NKAIN2: variants seen among roughly 807,000 people sequenced by gnomAD.
The protein encoded by NKAIN2 is sodium/potassium transporting ATPase interacting 2, also known as sodium/potassium-transporting ATPase subunit beta-1-interacting protein 2.
NKAIN2 carries 14 observed loss-of-function variants against 32.6 expected under a neutral mutation model. That is an observed-to-expected ratio of 0.43 (90% CI 0.28 to 0.67). The LOEUF (loss-of-function observed/expected upper bound fraction) is 0.67. Among genes scored for constraint, NKAIN2 ranks in the 30% least tolerant of loss-of-function variants. The pLI, the probability that NKAIN2 is intolerant of heterozygous loss-of-function variation, is 0.17. For missense variants in NKAIN2, 198 were observed against 258.3 expected, an observed-to-expected ratio of 0.77 and a Z score of 1.60; for synonymous variants, 80 against 87.2, an observed-to-expected ratio of 0.92 and a Z score of 0.46.
chr6:124,461,318 C>A (rs1297107093), intron 3 of NKAIN2, among the ~76,000 whole-genome samples: 1 of 151,236 alleles, frequency 6.6e-6, no homozygotes, highest in Non-Finnish European at 1.5e-5. Context: ...TAGATACATG[C>A]GTGTGCACAG....
chr6:124,520,003 C>T (rs1779061748), intron 3 of NKAIN2, among the ~76,000 whole-genome samples: 2 of 152,048 alleles, frequency 1.3e-5, no homozygotes, highest in Admixed American at 6.6e-5. Flanking sequence ...AGATAAGAAA[C>T]CTAAGGCAAA....
chr6:124,625,872 C>T (rs1040928700), intron 3 of NKAIN2, among the ~76,000 whole-genome samples: 2 of 137,102 alleles, frequency 1.5e-5, no homozygotes, highest in Non-Finnish European at 3.3e-5. Context: ...AAAGCTTCTA[C>T]TCTTTCTCCT....
At chr6:124,506,737 T>G (rs1778499726) in intron 3 of NKAIN2, among the ~76,000 whole-genome samples, 1 of 152,112 alleles carries the variant, frequency 6.6e-6, no homozygotes, top group Non-Finnish European at 1.5e-5. Flanking sequence ...GGGAGAAGGT[T>G]AAGAAATAAA....
chr6:124,292,686 C>T lies in NKAIN2; in HGVS notation c.192+9544C>T, dbSNP rs149170352. 8.6e-5 allele frequency among the ~76,000 whole-genome samples: 13 copies of T among 151,696 alleles called. No homozygotes were observed. In the East Asian group the frequency reaches 2.5e-3, roughly 29 times the overall value. On this transcript the variant is annotated intron_variant, in intron 2 of 6. Transcript: ENST00000368417. ...GATACATTGATACTTATCAAAAGTT[C>T]AATTAAGAAAAATGATATTTATGGA...
chr6:123,916,659 A>G (rs892880816), intron 1 of NKAIN2, among the ~76,000 whole-genome samples: 8 of 152,130 alleles, frequency 5.3e-5, no homozygotes, highest in Non-Finnish European at 8.8e-5. Flanking sequence ...ATTTGAAAGC[A>G]GATTTTATGC....
intron 1 of NKAIN2, among the ~76,000 whole-genome samples, chr6:124,128,124 T>TG (rs1786274324): frequency 1.3e-5 from 2 of 152,138 alleles, no homozygotes; most frequent in African/African-American, 4.8e-5. Context: ...CCACCGTGCC[T>TG]GGCCCATGGT....
chr6:124,602,620 C>G (rs764993786), intron 3 of NKAIN2, among the ~76,000 whole-genome samples: 1 of 151,818 alleles, frequency 6.6e-6, no homozygotes, highest in Non-Finnish European at 1.5e-5. Flanking sequence ...AAAAGACCAG[C>G]AACTATGAAC....
chr6:124,240,425 C>T (rs1019537976), intron 1 of NKAIN2, among the ~76,000 whole-genome samples: 72 of 151,842 alleles, frequency 4.7e-4, no homozygotes, highest in African/African-American at 1.7e-3. Flanking sequence ...TATCAAAACC[C>T]GGTAGAGACA....
At chr6:124,399,420 C>T (rs1421642677) in intron 3 of NKAIN2, among the ~76,000 whole-genome samples, 1 of 152,126 alleles carries the variant, frequency 6.6e-6, no homozygotes, top group Non-Finnish European at 1.5e-5. Flanking sequence ...GGCCAAGGGG[C>T]CCCACAACAT....
At chr6:124,470,451 A>G (rs1416818334) in intron 3 of NKAIN2, among the ~76,000 whole-genome samples, 1 of 152,198 alleles carries the variant, frequency 6.6e-6, no homozygotes, top group East Asian at 1.9e-4. Context: ...AGACAAGATG[A>G]TGATGAAGGT....
chr6:124,036,060 C>G (rs765009683), intron 1 of NKAIN2, among the ~76,000 whole-genome samples: 1 of 152,062 alleles, frequency 6.6e-6, no homozygotes, highest in Non-Finnish European at 1.5e-5. Context: ...AAGATTCACA[C>G]CATGTGGGTA....
chr6:123,877,678 C>T (rs1228328788), intron 1 of NKAIN2, among the ~76,000 whole-genome samples: 1 of 152,030 alleles, frequency 6.6e-6, no homozygotes, highest in Non-Finnish European at 1.5e-5. Context: ...CTGTTCCTGC[C>T]CCTGTTCTTT....
At position 124,043,012 on chromosome 6, in the gene NKAIN2, A is replaced by G. The variant is rs577175264; in HGVS notation, c.54+238758A>G. Among the ~76,000 whole-genome samples the G allele has an allele frequency of 5.9e-5, 9 of 152,206 alleles. No individual in the cohort carries two copies. The South Asian group carries it at 1.7e-3, about 28-fold the overall frequency. On this transcript the variant is annotated intron_variant, in intron 1 of 6. Transcript: ENST00000368417. ...ATTTGCTTATTTTGATGGAGAACTA[A>G]ACAATATTTTAATAGAAAATATCTG...
At chr6:124,537,067 T>C (rs1385713141) in intron 3 of NKAIN2, among the ~76,000 whole-genome samples, 3 of 152,062 alleles carry the variant, frequency 2.0e-5, no homozygotes, top group Non-Finnish European at 4.4e-5. Flanking sequence ...TCCTAGAAAA[T>C]GGGGGCAAAA....
chr6:124,388,766 T>C (rs1327534212), intron 3 of NKAIN2, among the ~76,000 whole-genome samples: 1 of 152,108 alleles, frequency 6.6e-6, no homozygotes, highest in Non-Finnish European at 1.5e-5. Context: ...AAAGAGATGC[T>C]CTGCCTTCTT....
At chr6:124,131,716 T>C (rs1462626620) in intron 1 of NKAIN2, among the ~76,000 whole-genome samples, 1 of 152,150 alleles carries the variant, frequency 6.6e-6, no homozygotes, top group African/African-American at 2.4e-5. Context: ...AAGAGCCTTG[T>C]AGGCACTCCT....
chr6:124,358,450 T>A (rs1799099141), intron 3 of NKAIN2, among the ~76,000 whole-genome samples: 4 of 152,130 alleles, frequency 2.6e-5, no homozygotes, highest in Admixed American at 2.6e-4. Flanking sequence ...GTTTCCTGAC[T>A]TTTTAATGAT....
intron 3 of NKAIN2, among the ~76,000 whole-genome samples, chr6:124,556,007 A>G (rs189967933): frequency 7.9e-5 from 12 of 151,504 alleles, no homozygotes; most frequent in African/African-American, 2.2e-4. Flanking sequence ...CTTGGCTTTT[A>G]TCAATAGAAA....
chr6:123,872,320 A>T (rs1007966514), intron 1 of NKAIN2, among the ~76,000 whole-genome samples: 7 of 152,216 alleles, frequency 4.6e-5, no homozygotes, highest in African/African-American at 1.7e-4. Context: ...AGCTTTGGAG[A>T]CAGTGCAGAA....
Sources: allele counts gnomAD v4.1 joint callset (sites outside exome capture counted in the v4.1 genomes callset), GRCh38; gene constraint gnomAD v4.1.1; transcripts MANE v1.5; gene names NCBI Gene and HGNC (gene_info 2026-07-23, HGNC 2026-07-21).